The following EPHA4 variants were observed in gnomAD, a reference collection of about 807,000 sequenced individuals.
EPHA4 encodes ephrin type-A receptor 4.
A neutral mutation model predicts 108.3 loss-of-function variants in EPHA4; 19 were observed. The observed-to-expected ratio is 0.18, with a 90% CI of 0.12 to 0.26. The LOEUF (loss-of-function observed/expected upper bound fraction) is 0.26, where lower values mean the gene tolerates loss of function less well. EPHA4 is among the 10% of genes least tolerant of loss of function. The probability of loss-of-function intolerance (pLI) is 1.00; values close to 1 mark genes in which losing one functional copy is unlikely to be tolerated. For synonymous variants in EPHA4, 449 were observed against 455.5 expected, an observed-to-expected ratio of 0.99 and a Z score of 0.18; for missense variants, 917 against 1,254.0, an observed-to-expected ratio of 0.73 and a Z score of 4.06.
chr2:221,515,207 T>C (rs1692956670), intron 3 of EPHA4, among the ~76,000 whole-genome samples: 1 of 152,148 alleles, frequency 6.6e-6, no homozygotes, highest in Non-Finnish European at 1.5e-5. Context: ...GCGATTCTCC[T>C]CCCTCAGCCT....
intron 3 of EPHA4, among the ~76,000 whole-genome samples, chr2:221,516,436 C>A (rs1047085389): frequency 6.6e-5 from 10 of 151,062 alleles, no homozygotes; most frequent in African/African-American, 1.9e-4. Context: ...CTCACTGCAA[C>A]CTCCGCCTCT....
intron 4 of EPHA4, among the ~76,000 whole-genome samples, chr2:221,489,232 C>T (rs1436980259): frequency 6.6e-6 from 1 of 152,174 alleles, no homozygotes; most frequent in East Asian, 1.9e-4. Flanking sequence ...AGATGAAAAC[C>T]TGCTATGATA....
chr2:221,567,577 G>A (rs1311691983), intron 2 of EPHA4, among the ~76,000 whole-genome samples: 2 of 152,176 alleles, frequency 1.3e-5, no homozygotes, highest in African/African-American at 4.8e-5. Flanking sequence ...GAAAAAATAG[G>A]AAGACAGGGC....
chr2:221,457,022 T>C (rs369325379), intron 6 of EPHA4, among the ~76,000 whole-genome samples: 2 of 152,166 alleles, frequency 1.3e-5, no homozygotes, highest in Admixed American at 6.5e-5. Flanking sequence ...TTCCTCCTAC[T>C]CTTTTTTTTT....
intron 11 of EPHA4, among the ~76,000 whole-genome samples, chr2:221,438,117 T>C (rs1574562709): frequency 6.6e-6 from 1 of 152,022 alleles, no homozygotes. Flanking sequence ...GAAAATTATT[T>C]CATCTGAGAC....
At chr2:221,472,637 C>A (rs1209381269) in intron 5 of EPHA4, among the ~76,000 whole-genome samples, 1 of 152,120 alleles carries the variant, frequency 6.6e-6, no homozygotes, top group Non-Finnish European at 1.5e-5. Flanking sequence ...GATAAACAAA[C>A]TGCCTGAAAA....
intron 6 of EPHA4, among the ~76,000 whole-genome samples, chr2:221,457,240 G>A (rs2106118362): frequency 6.6e-6 from 1 of 152,264 alleles, no homozygotes; most frequent in South Asian, 2.1e-4. Context: ...AAAAGAAAAA[G>A]AAGACAACTG....
chr2:221,495,779 T>A (rs535804601), intron 4 of EPHA4, among the ~76,000 whole-genome samples: 1 of 152,324 alleles, frequency 6.6e-6, no homozygotes, highest in South Asian at 2.1e-4. Flanking sequence ...CTGGTCTAAT[T>A]GTTCTCCAAG....
intron 4 of EPHA4, among the ~76,000 whole-genome samples, chr2:221,499,744 ATATATATATATATTT>A (rs1165176915): frequency 1.1e-4 from 6 of 56,368 alleles, no homozygotes; most frequent in East Asian, 5.3e-4. Context: ...ATATATATAT[ATATATATATATATTT>A]TTTTTTTTTT....
intron 3 of EPHA4, among the ~76,000 whole-genome samples, chr2:221,509,873 A>G (rs562680108): frequency 2.0e-5 from 3 of 152,232 alleles, no homozygotes; most frequent in Non-Finnish European, 2.9e-5. Flanking sequence ...ACATAACGGG[A>G]AAGGCCTGAA....
chr2:221,453,243 T>A (rs1238852903), intron 8 of EPHA4, among the ~76,000 whole-genome samples: 2 of 152,222 alleles, frequency 1.3e-5, no homozygotes, highest in African/African-American at 4.8e-5. Context: ...GGTGGAGGTA[T>A]TTCATGAATT....
intron 3 of EPHA4, among the ~76,000 whole-genome samples, chr2:221,523,681 T>C (rs1693239783): frequency 6.6e-6 from 1 of 150,914 alleles, no homozygotes; most frequent in South Asian, 2.1e-4. Context: ...GCAACCTCCA[T>C]CTCTGAGGTT....
rs975672638 is a variant in EPHA4 at position 221,442,906 on chromosome 2, T to C, written c.1997A>G (p.Asp666Gly). 3 of 1,614,138 alleles carry C rather than the reference T, an allele frequency of 1.9e-6. No homozygotes were observed. Among genetic ancestry groups the C allele is most frequent in the African/African-American group, 1.3e-5 (1 of 75,032 alleles). Residue 666 changes from aspartate to glycine, a missense_variant, in exon 11 of 18, where the codon GAC becomes GGC. Asp to Gly is a moderately conservative substitution (Grantham distance 94). Coordinates refer to ENST00000281821, the MANE Select transcript of EPHA4 (RefSeq NM_004438.5). ...CATGATGCTGGCCTCACTCAGGAAGTCTCTCCTCTGTTTGTCTGTATAACC... is the reference window on the plus strand; with the variant it reads ...CATGATGCTGGCCTCACTCAGGAAGCCTCTCCTCTGTTTGTCTGTATAACC... ...KAGYTDKQRRDFLSEASIMGQ... is the reference protein window; with the variant it reads ...KAGYTDKQRRGFLSEASIMGQ...
At chr2:221,474,078 A>C (rs1691582234) in intron 5 of EPHA4, among the ~76,000 whole-genome samples, 1 of 152,224 alleles carries the variant, frequency 6.6e-6, no homozygotes, top group South Asian at 2.1e-4. Flanking sequence ...AAAAAAATGC[A>C]ATCTAACTTT....
intron 3 of EPHA4, among the ~76,000 whole-genome samples, chr2:221,501,665 T>C (rs1442702701): frequency 1.3e-5 from 2 of 152,160 alleles, no homozygotes; most frequent in African/African-American, 4.8e-5. Context: ...AGTCACATGC[T>C]ATGGAATTTC....
chr2:221,498,216 T>A lies in EPHA4; in HGVS notation c.979+2801A>T, dbSNP rs889872353. 2.0e-5 allele frequency among the ~76,000 whole-genome samples: 3 copies of A among 152,280 alleles called. No homozygotes were observed. The East Asian group carries it at 5.8e-4, about 29-fold the overall frequency. On this transcript the variant is annotated intron_variant, in intron 4 of 17. Transcript: ENST00000281821. Reference sequence around the variant, plus strand: ...ATACCTGGGAGAAAGAGCCAGGACCTCCTGCCATCAGAGATACATTTCATG... The same window carrying A: ...ATACCTGGGAGAAAGAGCCAGGACCACCTGCCATCAGAGATACATTTCATG...
chr2:221,528,358 A>G (rs533739084), intron 3 of EPHA4, among the ~76,000 whole-genome samples: 1 of 152,304 alleles, frequency 6.6e-6, no homozygotes, highest in South Asian at 2.1e-4. Context: ...CAGGAAGTGT[A>G]TATTAACCAT....
chr2:221,564,151 G>T lies in EPHA4; in HGVS notation c.403C>A (p.Arg135Ser). 3 of 1,614,098 alleles carry T rather than the reference G, an allele frequency of 1.9e-6. No homozygotes were observed. Among genetic ancestry groups the T allele is most frequent in the Non-Finnish European group, 2.5e-6 (3 of 1,180,022 alleles). The change falls in exon 3 of 18, where the codon CGT (arginine) becomes AGT (serine). Residue 135 changes from arginine (R) to serine (S), a missense_variant. By Grantham distance (110) the Arg-to-Ser change is moderately radical. Transcript: ENST00000281821. The part of the protein sequence containing the change: ...YYYESDNDKE[R>S]FIRENQFVKI... ...ACAAACTGGTTCTCTCTGATGAAAC[G>T]CTCTTTGTCGTTGTCTGATTCATAG... is the stretch of plus-strand genomic sequence containing the variant.
At chr2:221,528,582 G>C (rs1033023595) in intron 3 of EPHA4, among the ~76,000 whole-genome samples, 1 of 152,148 alleles carries the variant, frequency 6.6e-6, no homozygotes, top group African/African-American at 2.4e-5. Flanking sequence ...TTCCTAAACA[G>C]TACCTCATTT....
Sources: allele counts gnomAD v4.1 joint callset (sites outside exome capture counted in the v4.1 genomes callset), GRCh38; gene constraint gnomAD v4.1.1; transcripts MANE v1.5; gene names NCBI Gene and HGNC (gene_info 2026-07-23, HGNC 2026-07-21).